CAMK1D: variants seen among roughly 807,000 people sequenced by gnomAD.
CAMK1D encodes the protein calcium/calmodulin-dependent protein kinase type 1D.
Under a neutral mutation model 47.7 loss-of-function variants are expected in CAMK1D, and 9 were observed. That is an observed-to-expected ratio of 0.19 (90% CI 0.11 to 0.33). The LOEUF is 0.33. Among genes scored for constraint, CAMK1D ranks in the 10% least tolerant of loss-of-function variants. The pLI, the probability that CAMK1D is intolerant of heterozygous loss-of-function variation, is 1.00. For synonymous variants in CAMK1D, 184 were observed against 184.9 expected (o/e 0.99, Z 0.04); for missense variants, 291 against 488.7 (o/e 0.60, Z 3.81).
chr10:12,450,888 C>T (rs564035836), intron 1 of CAMK1D, among the ~76,000 whole-genome samples: 12 of 152,302 alleles, frequency 7.9e-5, no homozygotes, highest in South Asian at 6.2e-4. Flanking sequence ...GACTGCCTGG[C>T]GGCTATCAGG....
At chr10:12,419,640 G>GCACACACA (rs111807347) in intron 1 of CAMK1D, among the ~76,000 whole-genome samples, 3,213 of 147,154 alleles carry the variant, frequency 0.022, 48 homozygotes, top group South Asian at 0.048. Flanking sequence ...AAGAGAAAAT[G>GCACACACA]CACACACACA....
At chr10:12,687,196 G>A (rs954159825) in intron 3 of CAMK1D, among the ~76,000 whole-genome samples, 3 of 151,686 alleles carry the variant, frequency 2.0e-5, no homozygotes, top group Non-Finnish European at 4.4e-5. Flanking sequence ...TAATGACTTG[G>A]GTCTTTAATT....
chr10:12,394,778 T>C (rs1324480632), intron 1 of CAMK1D, among the ~76,000 whole-genome samples: 3 of 152,166 alleles, frequency 2.0e-5, no homozygotes, highest in Non-Finnish European at 4.4e-5. Flanking sequence ...CTAAAGTGTT[T>C]ATAGTGTTAG....
At chr10:12,379,475 A>G (rs1399364522) in intron 1 of CAMK1D, among the ~76,000 whole-genome samples, 1 of 152,064 alleles carries the variant, frequency 6.6e-6, no homozygotes, top group Non-Finnish European at 1.5e-5. Flanking sequence ...ATTTGGGGCC[A>G]GTCTTGGTGG....
At chr10:12,400,313 C>G (rs1395142793) in intron 1 of CAMK1D, among the ~76,000 whole-genome samples, 1 of 152,148 alleles carries the variant, frequency 6.6e-6, no homozygotes, top group Non-Finnish European at 1.5e-5. Context: ...ATGGGAAGTG[C>G]CTTTGCCGTT....
intron 2 of CAMK1D, among the ~76,000 whole-genome samples, chr10:12,631,787 GA>G (rs1839386048): frequency 6.6e-6 from 1 of 151,930 alleles, no homozygotes. Flanking sequence ...TCAGAATTGG[GA>G]ACAATTCTGA....
chr10:12,624,995 T>TTCCTCCTCC (rs57078350), intron 2 of CAMK1D, among the ~76,000 whole-genome samples: 19 of 148,284 alleles, frequency 1.3e-4, no homozygotes, highest in East Asian at 4.1e-4. Context: ...TTCCTCCTCT[T>TTCCTCCTCC]TCCTCCTCCT....
chr10:12,553,443 C>CT, intron 2 of CAMK1D, 87 bp downstream of exon 2: 11 of 1,202,778 alleles, frequency 9.1e-6, no homozygotes, highest in Non-Finnish European at 1.3e-5. Context: ...CAGACTTTCC[C>CT]CGGGGGCAGA....
At chr10:12,605,360 GTGTGTGTA>G (rs1282319415) in intron 2 of CAMK1D, among the ~76,000 whole-genome samples, 9 of 151,344 alleles carry the variant, frequency 5.9e-5, no homozygotes, top group African/African-American at 1.9e-4. Context: ...GTGTGTGTGT[GTGTGTGTA>G]TGTGTGTCAA....
At chr10:12,368,743 C>CAAA (rs566501661) in intron 1 of CAMK1D, among the ~76,000 whole-genome samples, 10 of 124,424 alleles carry the variant, frequency 8.0e-5, no homozygotes, top group African/African-American at 2.5e-4. Context: ...GACCCTGTCT[C>CAAA]AAAAAAAAAA....
intron 5 of CAMK1D, among the ~76,000 whole-genome samples, chr10:12,770,626 A>G (rs1836994745): frequency 6.6e-6 from 1 of 152,202 alleles, no homozygotes; most frequent in African/African-American, 2.4e-5. Context: ...GTAAGCAAAC[A>G]GGGTCATTTC....
Position 12,417,439 on chromosome 10 carries a change from C to T in CAMK1D, c.92+67529C>T, listed in dbSNP as rs937302818. Among the ~76,000 whole-genome samples, 12 of 152,150 alleles carry T rather than the reference C, an allele frequency of 7.9e-5. 1 individual carries two copies. Among genetic ancestry groups the T allele is most frequent in the East Asian group, 3.9e-4 (2 of 5,192 alleles). Reference sequence around the variant, plus strand: ...AGGTTCGAGAGAAAGAAAACAGAGGCGGGATCCCTTACAGAGCAAGAGGTA... The same window carrying T: ...AGGTTCGAGAGAAAGAAAACAGAGGTGGGATCCCTTACAGAGCAAGAGGTA... On this transcript the variant is annotated intron_variant, in intron 1 of 10. Coordinates refer to ENST00000619168, the MANE Select transcript of CAMK1D (RefSeq NM_153498.4).
At chr10:12,801,531 A>G (rs1054707331) in intron 6 of CAMK1D, among the ~76,000 whole-genome samples, 7 of 151,000 alleles carry the variant, frequency 4.6e-5, no homozygotes, top group Non-Finnish European at 1.0e-4. Context: ...TTGTTTATCC[A>G]TTCATCCTTC....
At chr10:12,753,677 C>T (rs774032484) in intron 3 of CAMK1D, among the ~76,000 whole-genome samples, 14 of 152,318 alleles carry the variant, frequency 9.2e-5, no homozygotes, top group South Asian at 4.1e-4. Context: ...CATCGCTGAA[C>T]GCACTCAACA....
At chr10:12,779,264 G>A (rs1373521880) in intron 5 of CAMK1D, among the ~76,000 whole-genome samples, 1 of 152,186 alleles carries the variant, frequency 6.6e-6, no homozygotes, top group East Asian at 1.9e-4. Context: ...AAAAGTCAGA[G>A]CTAAGGAAGT....
chr10:12,627,175 G>A (rs1007705938), intron 2 of CAMK1D, among the ~76,000 whole-genome samples: 5 of 150,260 alleles, frequency 3.3e-5, no homozygotes, highest in South Asian at 2.1e-4. Context: ...TCCGCCTCCC[G>A]GGTTCACACC....
At position 12,467,926 on chromosome 10, in the gene CAMK1D, T is replaced by C. The variant is rs1438495522; in HGVS notation, c.93-85299T>C. Among the ~76,000 whole-genome samples the C allele has an allele frequency of 3.3e-5, 5 of 152,248 alleles. No individual in the cohort carries two copies. The East Asian group carries it at 5.8e-4, about 18-fold the overall frequency. ...GTTGTCAGGAGTAATAGAGATAGCC[T>C]GCATACCCTTTATCCAGTTTCACCC... is the stretch of plus-strand genomic sequence containing the variant. On this transcript the variant is annotated intron_variant, in intron 1 of 10. Transcript: ENST00000619168.
intron 2 of CAMK1D, among the ~76,000 whole-genome samples, chr10:12,630,389 A>T (rs11257923): frequency 0.076 from 3,627 of 47,770 alleles, 82 homozygotes; most frequent in African/African-American, 0.14. Flanking sequence ...TTTTTTTTTT[A>T]AAAAAAAGAC....
At chr10:12,765,058 A>G (rs1277126243) in intron 4 of CAMK1D, among the ~76,000 whole-genome samples, 6 of 152,106 alleles carry the variant, frequency 3.9e-5, no homozygotes, top group Non-Finnish European at 7.4e-5. Context: ...TTGTGCTACT[A>G]TACTCTAGCC....
Sources: gnomAD v4.1 joint callset for allele counts (sites outside exome capture counted in the v4.1 genomes callset) on GRCh38, gnomAD v4.1.1 for gene constraint, MANE v1.5 for transcripts, NCBI Gene and HGNC (gene_info 2026-07-23, HGNC 2026-07-21) for gene names.